The following SMARCB1 variants were observed in gnomAD, a reference collection of about 807,000 sequenced individuals.
SMARCB1 encodes SWI/SNF-related matrix-associated actin-dependent regulator of chromatin subfamily B member 1.
Under a neutral mutation model 49.0 loss-of-function variants are expected in SMARCB1, and 5 were observed. The observed-to-expected ratio is 0.10, with a 90% CI of 0.05 to 0.21. The LOEUF is 0.21. Ranked by LOEUF, SMARCB1 falls within the 10% of genes least tolerant of loss-of-function variation. The pLI is 1.00. For synonymous variants in SMARCB1, 201 were observed against 200.1 expected, an observed-to-expected ratio of 1.00 and a Z score of -0.04; for missense variants, 226 against 509.2, an observed-to-expected ratio of 0.44 and a Z score of 5.35.
At chr22:23,803,215 T>C in intron 4 of SMARCB1, 80 bp from the exon 5 acceptor site, 1 of 1,586,792 alleles carries the variant, frequency 6.3e-7, no homozygotes, top group Non-Finnish European at 8.6e-7. Flanking sequence ...AGAAGCCTGC[T>C]GTGCAGAGAG....
intron 6 of SMARCB1, chr22:23,818,135 T>TTG (rs1555879600): frequency 1.4e-5 from 1 of 69,860 alleles, no homozygotes; most frequent in Non-Finnish European, 2.7e-5. Flanking sequence ...CGAAATACTT[T>TTG]GGGTGTGTGT....
Position 23,809,261 on chromosome 22 carries a change from C to T in SMARCB1, c.628+5839C>T, listed in dbSNP as rs567697794. On this transcript the variant is annotated intron_variant, in intron 5 of 8. Transcript: ENST00000644036. The stretch of plus-strand genomic sequence containing the variant: ...AGTGACAATATTGTTCAGGAATGAA[C>T]GATATTGGACATTCTTTTTTTTTTT... Among the ~76,000 whole-genome samples the T allele has an allele frequency of 8.7e-4, 130 of 150,136 alleles. 1 individual carries two copies. Among genetic ancestry groups the T allele is most frequent in the African/African-American group, 3.1e-3 (125 of 40,794 alleles).
chr22:23,788,711 G>A (rs1019616232), intron 1 of SMARCB1, among the ~76,000 whole-genome samples: 3 of 152,214 alleles, frequency 2.0e-5, no homozygotes, highest in South Asian at 2.1e-4. Flanking sequence ...CACACTCAGC[G>A]CATTCATACT....
At position 23,835,715 on chromosome 22, in the gene SMARCB1, T is replaced by C. The variant is rs746422025; in HGVS notation, c.*1535T>C. ...GAACAGGTTTCATTGCTGAGGTGTT[T>C]GTTCTGTCCATGAGGTAGGAACCTC... On this transcript the variant is annotated 3_prime_UTR_variant, in exon 9 of 9. Coordinates refer to ENST00000644036, the MANE Select transcript of SMARCB1 (RefSeq NM_003073.5). 10 of 985,506 alleles carry C rather than the reference T, an allele frequency of 1.0e-5. No homozygotes were observed. The highest frequency in any genetic ancestry group is 1.7e-5 in the African/African-American group (1 of 57,376). 61.0% of individuals were successfully genotyped at this position (985,506 alleles called of 1,614,324 possible).
intron 5 of SMARCB1, among the ~76,000 whole-genome samples, chr22:23,806,065 C>T (rs770602663): frequency 1.3e-5 from 2 of 152,228 alleles, no homozygotes; most frequent in Non-Finnish European, 2.9e-5. Flanking sequence ...GGAGCTCGTA[C>T]TCAGCTTTTA....
Position 23,834,865 on chromosome 22 carries a change from C to T in SMARCB1, c.*685C>T, listed in dbSNP as rs765015621. ...GCGAGCTCTCCTGCCGTCCCTGGGCCGCCCTGGCTCTGCTGTGTCCAGATG... is the reference window on the plus strand; with the variant it reads ...GCGAGCTCTCCTGCCGTCCCTGGGCTGCCCTGGCTCTGCTGTGTCCAGATG... On this transcript the variant is annotated 3_prime_UTR_variant, in exon 9 of 9. Transcript: ENST00000644036. The T allele has an allele frequency of 1.9e-5, 30 of 1,612,488 alleles. No homozygotes were observed. Among genetic ancestry groups the T allele is most frequent in the East Asian group, 4.5e-5 (2 of 44,898 alleles).
chr22:23,837,497 A>C lies in SMARCB1; in HGVS notation c.*3317A>C. ...CAAATTATGTGGGCCGGCTGGCTTG[A>C]GGGGCTGTAAGAGCACAGCAGCTGG... On this transcript the variant is annotated 3_prime_UTR_variant, in exon 9 of 9. Transcript: ENST00000644036. 2 of 759,692 alleles carry C rather than the reference A, an allele frequency of 2.6e-6. No homozygotes were observed. The highest frequency in any genetic ancestry group is 4.2e-6 in the Non-Finnish European group (2 of 476,268). 47.1% of individuals were successfully genotyped at this position (759,692 alleles called of 1,614,324 possible).
chr22:23,819,280 A>G (rs1379556770), intron 6 of SMARCB1, among the ~76,000 whole-genome samples: 2 of 152,098 alleles, frequency 1.3e-5, no homozygotes, highest in Non-Finnish European at 2.9e-5. Context: ...GCTGCTATGA[A>G]CCTGGGTGTG....
chr22:23,821,427 CT>C (rs990904420), intron 6 of SMARCB1, among the ~76,000 whole-genome samples: 1 of 152,036 alleles, frequency 6.6e-6, no homozygotes, highest in Non-Finnish European at 1.5e-5. Flanking sequence ...TTCTTCCTTC[CT>C]TTTTTTTCAT....
chr22:23,832,176 G>A (rs2030690340), intron 7 of SMARCB1, among the ~76,000 whole-genome samples: 1 of 150,086 alleles, frequency 6.7e-6, no homozygotes, highest in Non-Finnish European at 1.5e-5. Context: ...TGCAGAGCCG[G>A]GACTCGCTCT....
chr22:23,816,559 C>T, intron 5 of SMARCB1: 1 of 640,702 alleles, frequency 1.6e-6, no homozygotes. Flanking sequence ...GGGCATGGAG[C>T]AGGAGGTCTG....
chr22:23,807,759 GA>G (rs1241922406), intron 5 of SMARCB1, among the ~76,000 whole-genome samples: 1 of 150,632 alleles, frequency 6.6e-6, no homozygotes, highest in African/African-American at 2.4e-5. Context: ...TACCTGTAGG[GA>G]AAAGACAATA....
intron 6 of SMARCB1, chr22:23,823,566 C>A (rs1348337267): frequency 6.6e-6 from 1 of 152,470 alleles, no homozygotes; most frequent in Non-Finnish European, 1.5e-5. Context: ...AGAACAAATA[C>A]ACCCTGCCTG....
At chr22:23,790,059 C>T (rs1928279324) in intron 1 of SMARCB1, among the ~76,000 whole-genome samples, 1 of 152,140 alleles carries the variant, frequency 6.6e-6, no homozygotes, top group South Asian at 2.1e-4. Flanking sequence ...ATTTTATATT[C>T]AGGAAACCTG....
chr22:23,822,220 GC>G (rs2030130070), intron 6 of SMARCB1, among the ~76,000 whole-genome samples: 1 of 152,228 alleles, frequency 6.6e-6, no homozygotes, highest in African/African-American at 2.4e-5. Context: ...AGTCGGCTTT[GC>G]CCAGTTCCAG....
At chr22:23,791,497 C>T (rs1171431719) in intron 1 of SMARCB1, among the ~76,000 whole-genome samples, 2 of 152,258 alleles carry the variant, frequency 1.3e-5, no homozygotes, top group African/African-American at 4.8e-5. Flanking sequence ...TTGCTAAGCT[C>T]TGGGGGCCTC....
rs1601388244 is a variant in SMARCB1 at position 23,791,669 on chromosome 22, C to G, written c.94-87C>G. On this transcript the variant is annotated intron_variant, in intron 1 of 8. Transcript: ENST00000644036. ...GGGGGCCACCTCAAGGCCTGTTTGT[C>G]TGTTGCTTGATGCAGTCTGCGCCAG... 3.7e-6 allele frequency: 5 copies of G among 1,344,204 alleles called. No individual in the cohort carries two copies. The East Asian group carries it at 1.1e-4, about 31-fold the overall frequency. The allele number at this position is 1,344,204 out of a possible 1,614,324, so 83.3% of individuals were successfully genotyped here. A position where few individuals can be genotyped will look rare whatever the true frequency, so the allele number is the denominator to read the frequency against.
intron 6 of SMARCB1, chr22:23,824,033 GA>G (rs1483770773): frequency 6.6e-6 from 1 of 152,330 alleles, no homozygotes; most frequent in African/African-American, 2.4e-5. Context: ...GAAGGGTGTG[GA>G]AAGGGGCTGA....
intron 1 of SMARCB1, among the ~76,000 whole-genome samples, chr22:23,788,376 C>T (rs938359371): frequency 6.6e-6 from 1 of 152,148 alleles, no homozygotes; most frequent in Non-Finnish European, 1.5e-5. Flanking sequence ...GTTTCTTCTC[C>T]TTATAGCAGT....
Sources: allele counts gnomAD v4.1 joint callset (sites outside exome capture counted in the v4.1 genomes callset), GRCh38; gene constraint gnomAD v4.1.1; transcripts MANE v1.5; gene names NCBI Gene and HGNC (gene_info 2026-07-23, HGNC 2026-07-21).